The following CHEK2 variants were observed in gnomAD, a reference collection of about 807,000 sequenced individuals.
CHEK2 encodes the protein serine/threonine-protein kinase Chk2.
CHEK2 carries 71 observed loss-of-function variants against 69.1 expected under a neutral mutation model. The observed-to-expected ratio is 1.03, with a 90% CI of 0.85 to 1.25. CHEK2 has a LOEUF of 1.25. Ranked by LOEUF, CHEK2 falls within the 50% of genes most tolerant of loss-of-function variation. The pLI is 0.00. For missense variants in CHEK2, 664 were observed against 649.6 expected (o/e 1.02, Z -0.24); for synonymous variants, 189 against 226.9 (o/e 0.83, Z 1.50).
chr22:28,712,345 T>C (rs2053435288), intron 5 of CHEK2: 2 of 354,798 alleles, frequency 5.6e-6, no homozygotes, highest in Non-Finnish European at 1.0e-5. Flanking sequence ...CAGAAAAACA[T>C]TAACTAGAAA....
intron 2 of CHEK2, among the ~76,000 whole-genome samples, chr22:28,728,499 G>A (rs1010128984): frequency 6.6e-6 from 1 of 152,084 alleles, no homozygotes; most frequent in Admixed American, 6.6e-5. Context: ...ATTGAGACCA[G>A]CCTGTGCAAC....
intron 13 of CHEK2, among the ~76,000 whole-genome samples, chr22:28,692,937 A>G (rs2052421805): frequency 6.6e-6 from 1 of 152,190 alleles, no homozygotes; most frequent in Non-Finnish European, 1.5e-5. Flanking sequence ...ACCTGCTGCC[A>G]TTAAGACATG....
At chr22:28,730,033 C>T (rs1280122508) in intron 2 of CHEK2, among the ~76,000 whole-genome samples, 3 of 150,456 alleles carry the variant, frequency 2.0e-5, no homozygotes, top group Non-Finnish European at 4.4e-5. Flanking sequence ...TTAGTAGAGA[C>T]GGGGTTTCAC....
intron 2 of CHEK2, among the ~76,000 whole-genome samples, chr22:28,729,056 A>C (rs1569163174): frequency 6.6e-6 from 1 of 152,220 alleles, no homozygotes; most frequent in Non-Finnish European, 1.5e-5. Context: ...AATTATTCTC[A>C]AACTTTTCGA....
Position 28,687,962 on chromosome 22 carries a change from G to C in CHEK2, c.1567C>G (p.Arg523Gly), listed in dbSNP as rs149501505. Residue 523 changes from arginine to glycine, a missense_variant, in exon 15 of 15, where the codon CGT becomes GGT. By Grantham distance (125) the Arg-to-Gly change is moderately radical. Coordinates refer to ENST00000404276, the MANE Select transcript of CHEK2 (RefSeq NM_007194.4). ...AQPSTSRKRP[R>G]EGEAEGAETT... The stretch of plus-strand genomic sequence containing the variant: ...TCGGCACCCTCGGCTTCCCCTTCAC[G>C]GGGCCGCTTTCGACTAGTAGAAGGC... 1.3e-6 allele frequency: 2 copies of C among 1,596,024 alleles called. No homozygotes were observed. The highest frequency in any genetic ancestry group is 1.7e-6 in the Non-Finnish European group (2 of 1,179,588).
chr22:28,729,540 CAAAAAAAAA>C (rs58149342), intron 2 of CHEK2, among the ~76,000 whole-genome samples: 2 of 83,072 alleles, frequency 2.4e-5, no homozygotes, highest in African/African-American at 5.3e-5. Context: ...GACTCCATCT[CAAAAAAAAA>C]AAAAAAAAAA....
At position 28,734,385 on chromosome 22, in the gene CHEK2, T is replaced by C. The variant is rs2054308459; in HGVS notation, c.319+18A>G. 1 of 1,611,506 alleles carries C rather than the reference T, an allele frequency of 6.2e-7. No homozygotes were observed. The highest frequency in any genetic ancestry group is 8.5e-7 in the Non-Finnish European group (1 of 1,177,830). On this transcript the variant is annotated intron_variant, in intron 2 of 14. Transcript: ENST00000404276. Reference sequence around the variant, plus strand: ...TTTTTCTGAACAAAACGTGATACTATACAACAAAGGGTCTTACCAAGATTG... The same window carrying C: ...TTTTTCTGAACAAAACGTGATACTACACAACAAAGGGTCTTACCAAGATTG...
chr22:28,722,760 C>T (rs568185065), intron 4 of CHEK2, among the ~76,000 whole-genome samples: 35 of 152,088 alleles, frequency 2.3e-4, no homozygotes, highest in African/African-American at 8.2e-4. Context: ...AGCTGGAGGG[C>T]AGTGGCTATT....
chr22:28,701,323 C>T (rs1181400298), intron 8 of CHEK2, among the ~76,000 whole-genome samples: 12 of 152,052 alleles, frequency 7.9e-5, no homozygotes, highest in African/African-American at 2.7e-4. Context: ...CGATTCTCCA[C>T]GCCTCAGCCA....
chr22:28,714,088 T>C (rs2053505831), intron 5 of CHEK2, among the ~76,000 whole-genome samples: 1 of 152,144 alleles, frequency 6.6e-6, no homozygotes, highest in African/African-American at 2.4e-5. Flanking sequence ...GTTGTTGTTG[T>C]TTTTTATGCC....
At chr22:28,741,222 T>A (rs2054548156) in intron 1 of CHEK2, among the ~76,000 whole-genome samples, 1 of 151,860 alleles carries the variant, frequency 6.6e-6, no homozygotes, top group East Asian at 1.9e-4. Flanking sequence ...AATAAATAAT[T>A]TTTTTTAAAA....
At chr22:28,693,820 C>A (rs923612091) in intron 13 of CHEK2, among the ~76,000 whole-genome samples, 1 of 152,016 alleles carries the variant, frequency 6.6e-6, no homozygotes, top group African/African-American at 2.4e-5. Context: ...GATCGTGCCA[C>A]TGCACTCCAG....
chr22:28,698,114 G>A (rs2052662574), intron 9 of CHEK2, among the ~76,000 whole-genome samples: 2 of 151,060 alleles, frequency 1.3e-5, no homozygotes, highest in Non-Finnish European at 2.9e-5. Flanking sequence ...CTTGTGGGCG[G>A]GCACGGTGGC....
chr22:28,708,393 G>A (rs956402269), intron 7 of CHEK2, among the ~76,000 whole-genome samples: 1 of 151,498 alleles, frequency 6.6e-6, no homozygotes, highest in Admixed American at 6.6e-5. Flanking sequence ...GTGTGTGTGT[G>A]TGTGTGTGTT....
Position 28,725,345 on chromosome 22 carries a change from C to A in CHEK2, c.342G>T (p.Trp114Cys), listed in dbSNP as rs756949505. Residue 114 changes from tryptophan to cysteine, a missense_variant, in exon 3 of 15, where the codon TGG becomes TGT. Trp to Cys is a radical substitution (Grantham distance 215, BLOSUM62 -2). Coordinates refer to ENST00000404276, the MANE Select transcript of CHEK2 (RefSeq NM_007194.4). ...ATTCACAGCTTTTGTCCCTCCCAAA[C>A]CAGTAGTTGTCATTCACACATTCTG... ...ANLECVNDNY[W>C]FGRDKSCEYC... 1 of 1,614,102 alleles carries A rather than the reference C, an allele frequency of 6.2e-7. No individual in the cohort carries two copies. Among genetic ancestry groups the A allele is most frequent in the Admixed American group, 1.7e-5 (1 of 60,012 alleles).
intron 2 of CHEK2, chr22:28,726,496 A>AATTATATATTTATACACAATATAACATAT (rs1450410493): frequency 2.1e-5 from 3 of 146,334 alleles, no homozygotes; most frequent in African/African-American, 7.4e-5. Flanking sequence ...TCTTAAATAT[A>AATTATATATTTATACACAATATAACATAT]ATTATATATT....
chr22:28,722,309 G>A (rs1215294644), intron 4 of CHEK2, among the ~76,000 whole-genome samples: 2 of 151,850 alleles, frequency 1.3e-5, no homozygotes, highest in African/African-American at 2.4e-5. Context: ...GGAAGGCCGA[G>A]GCGGAAGGAT....
At chr22:28,736,951 C>G (rs912162422) in intron 1 of CHEK2, among the ~76,000 whole-genome samples, 1 of 151,962 alleles carries the variant, frequency 6.6e-6, no homozygotes. Flanking sequence ...CTCCAAAGAA[C>G]AGAAAACAAA....
chr22:28,726,956 C>CA (rs1437647749), intron 2 of CHEK2, among the ~76,000 whole-genome samples: 1 of 151,600 alleles, frequency 6.6e-6, no homozygotes, highest in Non-Finnish European at 1.5e-5. Context: ...CCCAACTACA[C>CA]AAATGGCTCA....
Sources: allele counts gnomAD v4.1 joint callset (sites outside exome capture counted in the v4.1 genomes callset), GRCh38; gene constraint gnomAD v4.1.1; transcripts MANE v1.5; gene names NCBI Gene and HGNC (gene_info 2026-07-23, HGNC 2026-07-21).